AGBL1: variants seen among roughly 807,000 people sequenced by gnomAD.
AGBL1 encodes cytosolic carboxypeptidase 4.
Under a neutral mutation model 118.9 loss-of-function variants are expected in AGBL1, and 130 were observed. The observed-to-expected ratio is 1.09, with a 90% CI of 0.95 to 1.26. The LOEUF (loss-of-function observed/expected upper bound fraction) is 1.26. Among genes scored for constraint, AGBL1 ranks in the 50% most tolerant of loss-of-function variants. The pLI, the probability that AGBL1 is intolerant of heterozygous loss-of-function variation, is 0.00. For missense variants in AGBL1, 1,584 were observed against 1,298.1 expected (o/e 1.22, Z -3.38); for synonymous variants, 555 against 478.9 (o/e 1.16, Z -2.08).
At chr15:86,988,948 A>G (rs573946932) in intron 24 of AGBL1, among the ~76,000 whole-genome samples, 1 of 151,652 alleles carries the variant, frequency 6.6e-6, no homozygotes, top group East Asian at 1.9e-4. Flanking sequence ...ATTGAGTGAA[A>G]ATGATGATTG....
chr15:86,769,714 C>G lies in AGBL1; in HGVS notation c.3158+95278C>G, dbSNP rs2078146568. 2.6e-5 allele frequency among the ~76,000 whole-genome samples: 4 copies of G among 151,964 alleles called. No homozygotes were observed. In the South Asian group the frequency reaches 8.3e-4, roughly 31 times the overall value. On this transcript the variant is annotated intron_variant, in intron 22 of 22. Coordinates refer to ENST00000614907, the MANE Select transcript of AGBL1 (RefSeq NM_001386094.1). Reference sequence around the variant, plus strand: ...GGTGACTTTCCTTGGACTTTACTAGCAGGTGGAGTAATACAGCTCAAGTTA... The same window carrying G: ...GGTGACTTTCCTTGGACTTTACTAGGAGGTGGAGTAATACAGCTCAAGTTA...
At chr15:86,336,750 T>G (rs1395375785) in intron 17 of AGBL1, among the ~76,000 whole-genome samples, 1 of 152,186 alleles carries the variant, frequency 6.6e-6, no homozygotes, top group Non-Finnish European at 1.5e-5. Flanking sequence ...CTAAATCCCT[T>G]ACAGAGGAGA....
At chr15:86,970,151 A>C (rs938648828) in intron 23 of AGBL1, among the ~76,000 whole-genome samples, 2 of 152,048 alleles carry the variant, frequency 1.3e-5, no homozygotes, top group African/African-American at 4.8e-5. Context: ...GCCCAGGCCA[A>C]GGCAGCATTG....
At chr15:86,727,075 T>C (rs1253863130) in intron 22 of AGBL1, among the ~76,000 whole-genome samples, 1 of 152,052 alleles carries the variant, frequency 6.6e-6, no homozygotes, top group Non-Finnish European at 1.5e-5. Flanking sequence ...ATCAAGGAAA[T>C]GGAAAAGAAA....
intron 21 of AGBL1, among the ~76,000 whole-genome samples, chr15:86,670,830 G>C (rs957057946): frequency 6.6e-6 from 1 of 151,320 alleles, no homozygotes; most frequent in African/African-American, 2.4e-5. Flanking sequence ...ATGCTATTTA[G>C]ACATCTTTTT....
chr15:86,512,602 G>T (rs1297434652), intron 18 of AGBL1, among the ~76,000 whole-genome samples: 1 of 151,404 alleles, frequency 6.6e-6, no homozygotes, highest in Non-Finnish European at 1.5e-5. Flanking sequence ...TCTTGGTATT[G>T]GTTGAAGTCT....
At chr15:86,791,656 C>T (rs1391956222) in intron 22 of AGBL1, among the ~76,000 whole-genome samples, 1 of 151,754 alleles carries the variant, frequency 6.6e-6, no homozygotes, top group African/African-American at 2.4e-5. Flanking sequence ...ATCCAAACAG[C>T]AGTCATTGAA....
At chr15:86,153,046 C>T (rs945269768) in intron 3 of AGBL1, among the ~76,000 whole-genome samples, 7 of 152,142 alleles carry the variant, frequency 4.6e-5, no homozygotes, top group African/African-American at 1.7e-4. Context: ...AATAGGAATG[C>T]TTTTACACTG....
chr15:86,705,727 T>A (rs1281622486), intron 22 of AGBL1, among the ~76,000 whole-genome samples: 1 of 152,200 alleles, frequency 6.6e-6, no homozygotes, highest in Non-Finnish European at 1.5e-5. Context: ...GGCATTGATG[T>A]GCATGCATTT....
chr15:86,170,364 CA>C (rs1026374999), intron 5 of AGBL1, among the ~76,000 whole-genome samples: 1 of 151,958 alleles, frequency 6.6e-6, no homozygotes, highest in Non-Finnish European at 1.5e-5. Context: ...AACTATGGGA[CA>C]ACTTCAAGCA....
rs1422488835 is a variant in AGBL1 at position 86,613,663 on chromosome 15, G to A, written c.2994+59126G>A. Among the ~76,000 whole-genome samples, 2 of 152,086 alleles carry A rather than the reference G, an allele frequency of 1.3e-5. No homozygotes were observed. The highest frequency in any genetic ancestry group is 4.8e-5 in the African/African-American group (2 of 41,416). ...AAGGCATGACGTTTCCCAGAAAGAG[G>A]GCATTTTCTATTGAGGGATGAAAAC... On this transcript the variant is annotated intron_variant, in intron 21 of 22. Coordinates refer to ENST00000614907, the MANE Select transcript of AGBL1 (RefSeq NM_001386094.1). The surrounding 1 kb of genome is among the most constrained non-coding windows in gnomAD (Gnocchi z 4.2).
intron 22 of AGBL1, among the ~76,000 whole-genome samples, chr15:86,857,491 A>G (rs908086061): frequency 6.6e-6 from 1 of 150,782 alleles, no homozygotes; most frequent in Non-Finnish European, 1.5e-5. Flanking sequence ...TTCCCATGTG[A>G]CTCCCTCTGC....
At chr15:86,854,015 T>A (rs1275921084) in intron 22 of AGBL1, among the ~76,000 whole-genome samples, 1 of 152,170 alleles carries the variant, frequency 6.6e-6, no homozygotes, top group East Asian at 1.9e-4. Context: ...TTTTTTTAAA[T>A]ATGCAGAAAG....
chr15:86,976,372 T>G (rs775724146), intron 23 of AGBL1, among the ~76,000 whole-genome samples: 1 of 152,044 alleles, frequency 6.6e-6, no homozygotes, highest in Non-Finnish European at 1.5e-5. Flanking sequence ...CATTAGATGT[T>G]CTTTACCCAT....
chr15:86,563,622 A>G (rs1347456798), intron 21 of AGBL1, among the ~76,000 whole-genome samples: 2 of 152,142 alleles, frequency 1.3e-5, no homozygotes, highest in East Asian at 3.9e-4. Flanking sequence ...TTTGGGGTGG[A>G]TGGTTATGTG....
At chr15:86,366,602 C>T (rs187780961) in intron 17 of AGBL1, among the ~76,000 whole-genome samples, 54 of 152,246 alleles carry the variant, frequency 3.5e-4, no homozygotes, top group Non-Finnish European at 6.6e-4. Flanking sequence ...TGGCATCACC[C>T]GTCTCTCCCA....
At chr15:86,522,381 G>A (rs1331239497) in intron 18 of AGBL1, among the ~76,000 whole-genome samples, 1 of 152,154 alleles carries the variant, frequency 6.6e-6, no homozygotes, top group Non-Finnish European at 1.5e-5. Context: ...GTGTTCTAAT[G>A]TCTACCTTGC....
At chr15:86,519,516 CA>C (rs2083160669) in intron 18 of AGBL1, among the ~76,000 whole-genome samples, 2 of 152,140 alleles carry the variant, frequency 1.3e-5, no homozygotes, top group African/African-American at 4.8e-5. Context: ...ATTATTAACA[CA>C]AAATGCCAAA....
rs185458202 is a variant in AGBL1, at chr15:86,574,930, C to T, written c.2994+20393C>T. ...GCATGGCTGGGCGTGGTGACTCACA[C>T]CTGTAATCCCAGCACTTTGGGAGGC... On this transcript the variant is annotated intron_variant, in intron 21 of 22. Transcript: ENST00000614907. Among the ~76,000 whole-genome samples, 3 of 152,004 alleles carry T rather than the reference C, an allele frequency of 2.0e-5. No individual in the cohort carries two copies. The East Asian group carries it at 5.9e-4, about 30-fold the overall frequency.
Sources: allele counts gnomAD v4.1 joint callset (sites outside exome capture counted in the v4.1 genomes callset), GRCh38; gene constraint gnomAD v4.1.1; non-coding constraint Gnocchi (gnomAD v3.1); transcripts MANE v1.5; gene names NCBI Gene and HGNC (gene_info 2026-07-23, HGNC 2026-07-21).